Variants in GPM6A observed in about 807,000 individuals in gnomAD.
The protein encoded by GPM6A is neuronal membrane glycoprotein M6-a.
In GPM6A, 7 loss-of-function variants were observed where a neutral mutation model predicts 32.1. The observed-to-expected ratio is 0.22, with a 90% CI of 0.12 to 0.41. The LOEUF is 0.41. Ranked by LOEUF, GPM6A falls within the 10% of genes least tolerant of loss-of-function variation. GPM6A has a pLI of 1.00. For missense variants in GPM6A, 235 were observed against 347.2 expected (o/e 0.68, Z 2.57); for synonymous variants, 130 against 123.4 (o/e 1.05, Z -0.35).
intron 1 of GPM6A, among the ~76,000 whole-genome samples, chr4:175,770,179 A>G (rs1183934495): frequency 6.6e-6 from 1 of 152,182 alleles, no homozygotes; most frequent in Non-Finnish European, 1.5e-5. Context: ...GGCATGTGCC[A>G]CCACGCCCAG....
intron 1 of GPM6A, among the ~76,000 whole-genome samples, chr4:175,939,972 G>T (rs555639013): frequency 1.3e-5 from 2 of 152,110 alleles, no homozygotes; most frequent in South Asian, 2.1e-4. Context: ...ATGCCATGAA[G>T]ATCTTAACAT....
chr4:175,690,640 T>C (rs1744244237), intron 2 of GPM6A, among the ~76,000 whole-genome samples: 1 of 152,182 alleles, frequency 6.6e-6, no homozygotes, highest in Non-Finnish European at 1.5e-5. Flanking sequence ...AGCATCTTGT[T>C]TTAGAAGTAA....
intron 1 of GPM6A, among the ~76,000 whole-genome samples, chr4:175,877,556 G>A (rs763558351): frequency 1.6e-4 from 24 of 152,052 alleles, no homozygotes; most frequent in Non-Finnish European, 3.2e-4. Context: ...GAGTGAAAGG[G>A]GAAGACCCTT....
chr4:175,894,242 T>C (rs1162662056), intron 1 of GPM6A, among the ~76,000 whole-genome samples: 1 of 152,110 alleles, frequency 6.6e-6, no homozygotes, highest in Non-Finnish European at 1.5e-5. Context: ...GAAGATACTT[T>C]TGCTCAGAAA....
At chr4:175,858,152 G>A (rs945567481) in intron 1 of GPM6A, among the ~76,000 whole-genome samples, 2 of 152,120 alleles carry the variant, frequency 1.3e-5, no homozygotes, top group Non-Finnish European at 2.9e-5. Flanking sequence ...AATGGTAAAT[G>A]AGCATATAAA....
chr4:175,656,171 C>CA (rs201926181), intron 3 of GPM6A, among the ~76,000 whole-genome samples: 199 of 150,802 alleles, frequency 1.3e-3, no homozygotes, highest in African/African-American at 4.3e-3. Flanking sequence ...TCTTGACCCA[C>CA]AAAAAAAAAT....
intron 6 of GPM6A, among the ~76,000 whole-genome samples, chr4:175,636,029 T>C (rs1740563385): frequency 6.6e-6 from 1 of 151,872 alleles, no homozygotes; most frequent in South Asian, 2.1e-4. Context: ...TTCTAAATAA[T>C]GAATATTGTG....
At chr4:175,804,820 C>T (rs924347473) in intron 1 of GPM6A, among the ~76,000 whole-genome samples, 158 of 151,776 alleles carry the variant, frequency 1.0e-3, no homozygotes, top group African/African-American at 2.9e-3. Flanking sequence ...CAGAGGCGGG[C>T]GGATCACGAG....
chr4:175,821,652 C>T (rs1438362078), intron 1 of GPM6A, among the ~76,000 whole-genome samples: 1 of 151,716 alleles, frequency 6.6e-6, no homozygotes, highest in Non-Finnish European at 1.5e-5. Flanking sequence ...AAAATGTTCT[C>T]CCTAGGAGCT....
At chr4:175,862,124 T>A (rs186999619) in intron 1 of GPM6A, among the ~76,000 whole-genome samples, 70 of 152,320 alleles carry the variant, frequency 4.6e-4, no homozygotes, top group African/African-American at 1.6e-3. Context: ...ATAGATTAAC[T>A]TTTTGGCTGA....
chr4:175,815,855 T>C (rs1176002699), upstream of GPM6A, among the ~76,000 whole-genome samples: 7 of 151,834 alleles, frequency 4.6e-5, no homozygotes, highest in Non-Finnish European at 8.8e-5. Context: ...GTATCGAGGA[T>C]TACAGGCATG....
At chr4:175,932,419 TCACCAGA>T (rs1379534313) in intron 1 of GPM6A, among the ~76,000 whole-genome samples, 1 of 152,214 alleles carries the variant, frequency 6.6e-6, no homozygotes, top group Non-Finnish European at 1.5e-5. Context: ...AGAGCAGCCC[TCACCAGA>T]CACCAAACCT....
chr4:175,848,231 A>G (rs1031808439), intron 1 of GPM6A, among the ~76,000 whole-genome samples: 3 of 152,216 alleles, frequency 2.0e-5, no homozygotes, highest in Admixed American at 1.3e-4. Flanking sequence ...ATTTTAAATG[A>G]CAGCATATTT....
chr4:175,690,923 T>C (rs932097863), intron 2 of GPM6A, among the ~76,000 whole-genome samples: 3 of 152,230 alleles, frequency 2.0e-5, no homozygotes, highest in African/African-American at 7.2e-5. Context: ...TTAGGTAAAG[T>C]TTTTCTTCAA....
At chr4:175,783,152 T>C (rs1320743459) in intron 1 of GPM6A, among the ~76,000 whole-genome samples, 1 of 152,000 alleles carries the variant, frequency 6.6e-6, no homozygotes, top group East Asian at 1.9e-4. Context: ...ATTTTTTGCC[T>C]TTGTCATAAT....
intron 1 of GPM6A, among the ~76,000 whole-genome samples, chr4:175,799,043 T>C (rs758231007): frequency 6.6e-6 from 1 of 152,332 alleles, no homozygotes; most frequent in African/African-American, 2.4e-5. Context: ...GTGCTTAAAA[T>C]ATACGAGTCT....
intron 1 of GPM6A, among the ~76,000 whole-genome samples, chr4:175,922,910 A>G (rs966332901): frequency 6.6e-6 from 1 of 152,122 alleles, no homozygotes; most frequent in Non-Finnish European, 1.5e-5. Flanking sequence ...GAGATACTGT[A>G]TTAGCAGTTA....
rs1418332411 is a variant in GPM6A at position 175,841,219 on chromosome 4, A to G, written c.-22-28970T>C. Among the ~76,000 whole-genome samples, 3 of 152,204 alleles carry G rather than the reference A, an allele frequency of 2.0e-5. No homozygotes were observed. In the East Asian group the frequency reaches 5.8e-4, roughly 29 times the overall value. On this transcript the variant is annotated intron_variant, in intron 1 of 7. Transcript: ENST00000280187. ...TCTGTTCATGTTACAAAATATTTGC[A>G]TATATAAATTGTATTTATATAATTA...
intron 1 of GPM6A, among the ~76,000 whole-genome samples, chr4:175,955,015 A>G (rs1409119265): frequency 6.6e-6 from 1 of 152,238 alleles, no homozygotes; most frequent in African/African-American, 2.4e-5. Flanking sequence ...GAGAATCCAA[A>G]ACAAATTCCA....
Sources: gnomAD v4.1 joint callset for allele counts (sites outside exome capture counted in the v4.1 genomes callset) on GRCh38, gnomAD v4.1.1 for gene constraint, MANE v1.5 for transcripts, NCBI Gene and HGNC (gene_info 2026-07-23, HGNC 2026-07-21) for gene names.